The following HEYL variants were observed in gnomAD, a reference collection of about 807,000 sequenced individuals.
HEYL encodes the protein hes related family bHLH transcription factor with YRPW motif like, also known as hairy/enhancer-of-split related with YRPW motif-like protein.
Under a neutral mutation model 18.6 loss-of-function variants are expected in HEYL, and 12 were observed. The observed-to-expected ratio is 0.65, with a 90% CI of 0.41 to 1.05. The LOEUF is 1.05. Ranked by LOEUF, HEYL falls within the 50% of genes least tolerant of loss-of-function variation. The pLI is 0.00. For missense variants in HEYL, 420 were observed against 444.7 expected (o/e 0.94, Z 0.50); for synonymous variants, 159 against 179.6 (o/e 0.89, Z 0.91).
intron 1 of HEYL, among the ~76,000 whole-genome samples, chr1:39,638,683 G>A (rs918989143): frequency 6.6e-6 from 1 of 152,232 alleles, no homozygotes; most frequent in Non-Finnish European, 1.5e-5. Context: ...CAGACTCCCA[G>A]TCAGCCCTGC....
At chr1:39,637,990 T>C (rs1217174538) in intron 1 of HEYL, among the ~76,000 whole-genome samples, 1 of 152,206 alleles carries the variant, frequency 6.6e-6, no homozygotes, top group Non-Finnish European at 1.5e-5. Context: ...CTCTGATCTA[T>C]GAAGACCCAA....
chr1:39,623,965 G>A lies in HEYL; in HGVS notation c.*2542C>T, dbSNP rs938627605. Among the ~76,000 whole-genome samples, 2 of 152,192 alleles carry A rather than the reference G, an allele frequency of 1.3e-5. No individual in the cohort carries two copies. Among genetic ancestry groups the A allele is most frequent in the Non-Finnish European group, 2.9e-5 (2 of 68,042 alleles). ...GAGGTTTTCAAACTAAAGATGATAC[G>A]ATATGACCTGCAGCTTTCAATTTCT... On this transcript the variant is annotated 3_prime_UTR_variant, in exon 5 of 5. Transcript: ENST00000372852.
chr1:39,624,738 T>C lies in HEYL; in HGVS notation c.*1769A>G, dbSNP rs1015823223. The C allele has an allele frequency of 6.6e-6, 1 of 152,238 alleles. No homozygotes were observed. The highest frequency in any genetic ancestry group is 1.5e-5 in the Non-Finnish European group (1 of 68,068). The allele number at this position is 152,238 out of a possible 1,614,324, so 9.4% of individuals were successfully genotyped here. On this transcript the variant is annotated 3_prime_UTR_variant, in exon 5 of 5. Coordinates refer to ENST00000372852, the MANE Select transcript of HEYL (RefSeq NM_014571.4). ...CTCTCTAAAATGATCCCCCCTCTCC[T>C]TGCTACTGCACATCTCAGATGGGTC...
In HEYL at chr1:39,628,788, G is replaced by C. The variant is rs562316951; in HGVS notation, c.313+1439C>G. On this transcript the variant is annotated intron_variant, in intron 4 of 4. Coordinates refer to ENST00000372852, the MANE Select transcript of HEYL (RefSeq NM_014571.4). ...GATTTCTTTTTTTGTATTTTTAGTA[G>C]AGATGGGGTTTCACCGTGTTAGCCA... 5.3e-4 allele frequency among the ~76,000 whole-genome samples: 80 copies of C among 151,964 alleles called. 1 individual carries two copies. Among genetic ancestry groups the C allele is most frequent in the Non-Finnish European group, 3.4e-4 (23 of 67,990 alleles).
In HEYL at chr1:39,627,104, C is replaced by T; in HGVS notation, c.390G>A (p.Arg130=). ...TGGGCCCTTCAAGGACCCCCAGGTACCTGATGACCTCAGTGAGGCACTCCC... is the reference window on the plus strand; with the variant it reads ...TGGGCCCTTCAAGGACCCCCAGGTATCTGATGACCTCAGTGAGGCACTCCC... ...GFRECLTEVI[R]YLGVLEGPSS... The change falls in exon 5 of 5, where the codon AGG becomes AGA. Residue 130 remains arginine, a synonymous_variant. Transcript: ENST00000372852. The T allele has an allele frequency of 6.2e-7, 1 of 1,614,130 alleles. No individual in the cohort carries two copies. Among genetic ancestry groups the T allele is most frequent in the African/African-American group, 1.3e-5 (1 of 75,026 alleles).
intron 4 of HEYL, among the ~76,000 whole-genome samples, chr1:39,629,511 C>A (rs1229443374): frequency 6.6e-6 from 1 of 152,168 alleles, no homozygotes; most frequent in Non-Finnish European, 1.5e-5. Flanking sequence ...TCAGAAGCAC[C>A]AGAATGGGCC....
At chr1:39,629,962 AG>A in intron 4 of HEYL, among the ~76,000 whole-genome samples, 1 of 152,342 alleles carries the variant, frequency 6.6e-6, no homozygotes, top group East Asian at 1.9e-4. Context: ...TGGGACCCAT[AG>A]GAACAGTCTG....
intron 3 of HEYL, among the ~76,000 whole-genome samples, chr1:39,630,816 T>C (rs567455822): frequency 1.9e-4 from 29 of 152,360 alleles, no homozygotes; most frequent in African/African-American, 7.0e-4. Flanking sequence ...TGGGAAATGC[T>C]TCCTAAGCTT....
Position 39,626,229 on chromosome 1 carries a change from C to T in HEYL, c.*278G>A, listed in dbSNP as rs554431129. The T allele has an allele frequency of 2.1e-5, 8 of 380,516 alleles. No individual in the cohort carries two copies. The highest frequency in any genetic ancestry group is 8.4e-5 in the African/African-American group (4 of 47,814). 23.6% of individuals were successfully genotyped at this position (380,516 alleles called of 1,614,324 possible). A position where few individuals can be genotyped will look rare whatever the true frequency, so the allele number is the denominator to read the frequency against. On this transcript the variant is annotated 3_prime_UTR_variant, in exon 5 of 5. Coordinates refer to ENST00000372852, the MANE Select transcript of HEYL (RefSeq NM_014571.4). ...GCAGAGGGCAGGAGAGGGGTCTGGG[C>T]GGATCTCTGAGGGTCTCTCCCAGGA...
rs1023495478 is a variant in HEYL, at chr1:39,631,345, C to T, written c.231+151G>A. On this transcript the variant is annotated intron_variant, in intron 3 of 4. Coordinates refer to ENST00000372852, the MANE Select transcript of HEYL (RefSeq NM_014571.4). ...CCTGAGACACCTAAGTATAAATTTCCATTCCTTTTACCCTGGCCAGTGACA... is the reference window on the plus strand; with the variant it reads ...CCTGAGACACCTAAGTATAAATTTCTATTCCTTTTACCCTGGCCAGTGACA... 95 of 650,828 alleles carry T rather than the reference C, an allele frequency of 1.5e-4. 3 individuals carry two copies. In the South Asian group the frequency reaches 1.8e-3, roughly 12 times the overall value. 40.3% of individuals were successfully genotyped at this position (650,828 alleles called of 1,614,324 possible).
chr1:39,627,209 G>A (rs760240459), intron 4 of HEYL, 29 bp from the exon 5 acceptor site: 2 of 1,587,182 alleles, frequency 1.3e-6, no homozygotes, highest in South Asian at 1.1e-5. Flanking sequence ...TGAAGGTCAT[G>A]CCAGGTGTGG....
chr1:39,629,274 G>A (rs2124110876), intron 4 of HEYL, among the ~76,000 whole-genome samples: 1 of 152,304 alleles, frequency 6.6e-6, no homozygotes, highest in East Asian at 1.9e-4. Flanking sequence ...AACCATAAAT[G>A]TAATTTGAAT....
At chr1:39,632,761 C>A in intron 1 of HEYL, 46 bp from the exon 2 acceptor site, 22 of 1,608,678 alleles carry the variant, frequency 1.4e-5, no homozygotes, top group Non-Finnish European at 1.9e-5. Flanking sequence ...GGGGGACAGT[C>A]TCCCCGGCCT....
intron 4 of HEYL, 138 bp downstream of exon 4, chr1:39,630,089 G>A: frequency 1.4e-6 from 1 of 712,180 alleles, no homozygotes; most frequent in Non-Finnish European, 2.5e-6. Flanking sequence ...AGAGAGAGAA[G>A]CTTTGCAAAT....
Position 39,632,902 on chromosome 1 carries a change from T to C in HEYL, c.81-187A>G, listed in dbSNP as rs1325047236. 3.0e-6 allele frequency: 3 copies of C among 985,356 alleles called. No individual in the cohort carries two copies. In the South Asian group the frequency reaches 1.4e-4, roughly 46 times the overall value. 61.0% of individuals were successfully genotyped at this position (985,356 alleles called of 1,614,324 possible). ...GCACTCTGGGCCCACTTTGGGCTCT[T>C]GGTCCGGACCTGCTCGGCCTCGCCC... On this transcript the variant is annotated intron_variant, in intron 1 of 4. Coordinates refer to ENST00000372852, the MANE Select transcript of HEYL (RefSeq NM_014571.4).
intron 1 of HEYL, among the ~76,000 whole-genome samples, chr1:39,634,741 A>G (rs926787209): frequency 3.3e-5 from 5 of 152,150 alleles, no homozygotes; most frequent in African/African-American, 1.2e-4. Context: ...TCATTGTTTT[A>G]TATTTATATG....
chr1:39,634,474 T>G (rs956793225), intron 1 of HEYL, among the ~76,000 whole-genome samples: 3 of 152,194 alleles, frequency 2.0e-5, no homozygotes, highest in Non-Finnish European at 2.9e-5. Flanking sequence ...CTCAACCGTC[T>G]TCTTCTGTAT....
At position 39,626,421 on chromosome 1, in the gene HEYL, G is replaced by A. The variant is rs527386529; in HGVS notation, c.*86C>T. 2.0e-5 allele frequency: 25 copies of A among 1,273,116 alleles called. 1 individual carries two copies. Among genetic ancestry groups the A allele is most frequent in the Non-Finnish European group, 2.6e-5 (25 of 943,580 alleles). The allele number at this position is 1,273,116 out of a possible 1,614,324, so 78.9% of individuals were successfully genotyped here. ...CTTCACATATGAGCCAGTCCATGAA[G>A]CAAAGCAGAAAAGGCAGTGCCCTTT... On this transcript the variant is annotated 3_prime_UTR_variant, in exon 5 of 5. Coordinates refer to ENST00000372852, the MANE Select transcript of HEYL (RefSeq NM_014571.4).
chr1:39,635,731 C>T (rs1646359021), intron 1 of HEYL, among the ~76,000 whole-genome samples: 5 of 152,308 alleles, frequency 3.3e-5, no homozygotes, highest in South Asian at 4.1e-4. Flanking sequence ...CTTCTGGCTC[C>T]GCTTCAGCAT....
Sources: allele counts gnomAD v4.1 joint callset (sites outside exome capture counted in the v4.1 genomes callset), GRCh38; gene constraint gnomAD v4.1.1; transcripts MANE v1.5; gene names NCBI Gene and HGNC (gene_info 2026-07-23, HGNC 2026-07-21).